The following RBFOX1 variants were observed in gnomAD, a reference collection of about 807,000 sequenced individuals.
RBFOX1 encodes RNA binding protein fox-1 homolog 1.
A neutral mutation model predicts 57.7 loss-of-function variants in RBFOX1; 8 were observed. That is an observed-to-expected ratio of 0.14 (90% CI 0.08 to 0.25). The LOEUF is 0.25. RBFOX1 is among the 10% of genes least tolerant of loss of function. RBFOX1 has a pLI of 1.00. For missense variants in RBFOX1, 611 were observed against 548.5 expected, an observed-to-expected ratio of 1.11 and a Z score of -1.14; for synonymous variants, 326 against 222.4, an observed-to-expected ratio of 1.47 and a Z score of -4.15.
In RBFOX1 at chr16:6,913,056, C is replaced by T. The variant is rs535270029; in HGVS notation, c.-15-139001C>T. Among the ~76,000 whole-genome samples, 54 of 152,196 alleles carry T rather than the reference C, an allele frequency of 3.5e-4. No homozygotes were observed. The South Asian group carries it at 0.011, about 31-fold the overall frequency. ...TGGGCTTCTGATGGGTGGAAAAGAA[C>T]TTGGAAAGGGCCCCAGGCAGGAAAA... On this transcript the variant is annotated intron_variant, in intron 3 of 15. Transcript: ENST00000550418.
intron 3 of RBFOX1, among the ~76,000 whole-genome samples, chr16:6,867,303 G>A (rs899284369): frequency 6.6e-6 from 1 of 151,912 alleles, no homozygotes; most frequent in Non-Finnish European, 1.5e-5. Flanking sequence ...TCCATATTCT[G>A]GATCATTATT....
intron 7 of RBFOX1, among the ~76,000 whole-genome samples, chr16:7,594,355 G>C (rs1325543795): frequency 6.6e-6 from 1 of 152,188 alleles, no homozygotes; most frequent in African/African-American, 2.4e-5. Flanking sequence ...TTGATGCTAA[G>C]AGGAGCCCCA....
chr16:6,286,144 A>G (rs2076886000), intron 1 of RBFOX1, among the ~76,000 whole-genome samples: 1 of 152,164 alleles, frequency 6.6e-6, no homozygotes, highest in Non-Finnish European at 1.5e-5. Context: ...GAATAATTCA[A>G]TAAATTATTG....
intron 4 of RBFOX1, among the ~76,000 whole-genome samples, chr16:7,440,251 A>G (rs554110348): frequency 1.6e-4 from 25 of 152,268 alleles, no homozygotes; most frequent in East Asian, 3.9e-4. Flanking sequence ...GGTCTTCCCA[A>G]TTAAACAGCA....
chr16:6,285,423 G>A (rs1270144741), intron 1 of RBFOX1, among the ~76,000 whole-genome samples: 1 of 152,132 alleles, frequency 6.6e-6, no homozygotes, highest in Non-Finnish European at 1.5e-5. Flanking sequence ...GCTGACAGGA[G>A]TATTTCTAAG....
intron 3 of RBFOX1, among the ~76,000 whole-genome samples, chr16:7,024,895 C>G (rs933606655): frequency 2.0e-5 from 3 of 152,108 alleles, no homozygotes; most frequent in Non-Finnish European, 4.4e-5. Flanking sequence ...TTAGAAGTCA[C>G]CTGCTGCACT....
chr16:7,167,238 T>C (rs2079756765), intron 4 of RBFOX1, among the ~76,000 whole-genome samples: 1 of 151,818 alleles, frequency 6.6e-6, no homozygotes, highest in African/African-American at 2.4e-5. Flanking sequence ...TGCCAGCTTC[T>C]GCCTACCAAA....
At chr16:5,895,649 A>G (rs1432043033) in intron 4 of RBFOX1, among the ~76,000 whole-genome samples, 1 of 152,194 alleles carries the variant, frequency 6.6e-6, no homozygotes, top group Non-Finnish European at 1.5e-5. Flanking sequence ...CGTGCAGTCT[A>G]ACTGTGGGTA....
At chr16:7,469,101 T>G (rs992582364) in intron 4 of RBFOX1, among the ~76,000 whole-genome samples, 1 of 152,066 alleles carries the variant, frequency 6.6e-6, no homozygotes. Flanking sequence ...GCCCGGCTAA[T>G]TTTTTTGAAT....
At chr16:5,614,826 T>C (rs1346411853) in intron 3 of RBFOX1, among the ~76,000 whole-genome samples, 1 of 152,124 alleles carries the variant, frequency 6.6e-6, no homozygotes, top group African/African-American at 2.4e-5. Flanking sequence ...CTGGCCAAGA[T>C]AATATGCTTA....
At chr16:6,989,253 C>T (rs941946778) in intron 3 of RBFOX1, among the ~76,000 whole-genome samples, 1 of 152,066 alleles carries the variant, frequency 6.6e-6, no homozygotes, top group Non-Finnish European at 1.5e-5. Context: ...GTATTGCTTG[C>T]ATTATTTTTC....
At chr16:6,172,999 C>G (rs1396811356) in intron 1 of RBFOX1, among the ~76,000 whole-genome samples, 2 of 152,122 alleles carry the variant, frequency 1.3e-5, no homozygotes, top group Non-Finnish European at 2.9e-5. Context: ...TCTTCGAAGC[C>G]AGGGATGTAG....
At chr16:5,912,274 G>A (rs1434212949) in intron 4 of RBFOX1, among the ~76,000 whole-genome samples, 3 of 152,152 alleles carry the variant, frequency 2.0e-5, no homozygotes, top group African/African-American at 4.8e-5. Flanking sequence ...AGACCTGTCA[G>A]TTTCTCAGAA....
At chr16:5,401,141 A>T (rs118060161) in intron 1 of RBFOX1, among the ~76,000 whole-genome samples, 49 of 152,246 alleles carry the variant, frequency 3.2e-4, no homozygotes, top group Non-Finnish European at 5.9e-4. Flanking sequence ...TGCTTAGAAG[A>T]GCCTTCTCTA....
intron 4 of RBFOX1, among the ~76,000 whole-genome samples, chr16:7,302,576 G>T (rs1417768412): frequency 1.3e-5 from 2 of 151,626 alleles, no homozygotes; most frequent in African/African-American, 4.9e-5. Context: ...GTTTCTTTCA[G>T]GAAGCCCAAC....
chr16:7,667,018 T>C (rs748872585), intron 13 of RBFOX1, among the ~76,000 whole-genome samples: 15 of 152,182 alleles, frequency 9.9e-5, no homozygotes, highest in Non-Finnish European at 2.1e-4. Flanking sequence ...CAGCCAGAAA[T>C]TATCGTTTTC....
intron 3 of RBFOX1, among the ~76,000 whole-genome samples, chr16:6,712,484 C>G (rs1272163435): frequency 6.6e-6 from 1 of 152,112 alleles, no homozygotes; most frequent in Non-Finnish European, 1.5e-5. Flanking sequence ...ACTATTTTCT[C>G]CCAGTTTTTT....
intron 2 of RBFOX1, among the ~76,000 whole-genome samples, chr16:6,383,214 G>T (rs1250521250): frequency 6.6e-6 from 1 of 152,208 alleles, no homozygotes; most frequent in African/African-American, 2.4e-5. Context: ...GCATTTGATG[G>T]CAGCCTGGAT....
intron 3 of RBFOX1, among the ~76,000 whole-genome samples, chr16:5,725,914 C>G (rs921077041): frequency 2.6e-5 from 4 of 152,006 alleles, no homozygotes; most frequent in African/African-American, 7.2e-5. Flanking sequence ...TTCCTGAGCA[C>G]TCAGTTCCTT....
Sources: gnomAD v4.1 joint callset for allele counts (sites outside exome capture counted in the v4.1 genomes callset) on GRCh38, gnomAD v4.1.1 for gene constraint, MANE v1.5 for transcripts, NCBI Gene and HGNC (gene_info 2026-07-23, HGNC 2026-07-21) for gene names.